Variants in CABLES1 observed in about 807,000 individuals in gnomAD.
The protein encoded by CABLES1 is Cdk5 and Abl enzyme substrate 1.
In CABLES1, 36 loss-of-function variants were observed where a neutral mutation model predicts 57.8. The observed-to-expected ratio is 0.62, with a 90% CI of 0.48 to 0.82. The LOEUF (loss-of-function observed/expected upper bound fraction) is 0.82. Ranked by LOEUF, CABLES1 falls within the 40% of genes least tolerant of loss-of-function variation. CABLES1 has a pLI of 0.00. For missense variants in CABLES1, 767 were observed against 836.6 expected (o/e 0.92, Z 1.03); for synonymous variants, 374 against 363.0 (o/e 1.03, Z -0.35).
At chr18:23,158,028 TC>T (rs1479999654) in intron 1 of CABLES1, among the ~76,000 whole-genome samples, 1 of 150,782 alleles carries the variant, frequency 6.6e-6, no homozygotes, top group Non-Finnish European at 1.5e-5. Context: ...ATGCCTGTAA[TC>T]CCGGCACTTT....
In CABLES1 at chr18:23,214,196, A is replaced by T. The variant is rs943815978; in HGVS notation, c.1088+142A>T. ...TCAGTATTTGTACACTGGAATGATAAAAAGATGTTCCACTTTCTTTTCAGC... is the reference window on the plus strand; with the variant it reads ...TCAGTATTTGTACACTGGAATGATATAAAGATGTTCCACTTTCTTTTCAGC... On this transcript the variant is annotated intron_variant, in intron 4 of 9. Coordinates refer to ENST00000256925, the MANE Select transcript of CABLES1 (RefSeq NM_001100619.3). 5 of 586,876 alleles carry T rather than the reference A, an allele frequency of 8.5e-6. No individual in the cohort carries two copies. The African/African-American group carries it at 9.4e-5, about 11-fold the overall frequency. 36.4% of individuals were successfully genotyped at this position (586,876 alleles called of 1,614,324 possible).
intron 1 of CABLES1, among the ~76,000 whole-genome samples, chr18:23,186,198 G>A (rs568119618): frequency 1.3e-5 from 2 of 152,342 alleles, no homozygotes; most frequent in African/African-American, 4.8e-5. Context: ...CTAGAGTTGG[G>A]ACACTCAGCC....
chr18:23,181,658 G>A (rs2047167986), intron 1 of CABLES1, among the ~76,000 whole-genome samples: 2 of 152,170 alleles, frequency 1.3e-5, no homozygotes, highest in Admixed American at 1.3e-4. Context: ...AGCCAGCCAT[G>A]ATTGAGTACC....
chr18:23,245,856 C>G (rs1475755231), intron 7 of CABLES1, among the ~76,000 whole-genome samples: 2 of 152,274 alleles, frequency 1.3e-5, no homozygotes, highest in African/African-American at 4.8e-5. Flanking sequence ...TTGCAAAAAA[C>G]ACAACTGCCT....
At chr18:23,251,644 G>A (rs2048040512) in intron 7 of CABLES1, among the ~76,000 whole-genome samples, 1 of 152,142 alleles carries the variant, frequency 6.6e-6, no homozygotes, top group Non-Finnish European at 1.5e-5. Context: ...GATCCTTTAA[G>A]GATTTCTCCA....
chr18:23,208,740 C>T (rs750638481), intron 3 of CABLES1, among the ~76,000 whole-genome samples: 96 of 152,188 alleles, frequency 6.3e-4, no homozygotes, highest in Admixed American at 3.3e-3. Context: ...AAGACAACAA[C>T]AAGGAGTTCT....
chr18:23,219,685 G>A (rs997759454), intron 4 of CABLES1, among the ~76,000 whole-genome samples: 4 of 152,198 alleles, frequency 2.6e-5, no homozygotes, highest in African/African-American at 9.7e-5. Context: ...CTGAGTCTCA[G>A]ACCCCTCATC....
intron 3 of CABLES1, among the ~76,000 whole-genome samples, chr18:23,202,300 G>T (rs7241985): frequency 0.15 from 22,682 of 152,194 alleles, 2,505 homozygotes; most frequent in Admixed American, 0.27. Context: ...GAGTTCATTT[G>T]GATATGAAGT....
At chr18:23,174,820 C>CTATATATA (rs2047110391) in intron 1 of CABLES1, among the ~76,000 whole-genome samples, 1 of 42,606 alleles carries the variant, frequency 2.3e-5, no homozygotes, top group Non-Finnish European at 4.3e-5. Flanking sequence ...ACATGTTACA[C>CTATATATA]CATATATATA....
At chr18:23,235,858 G>A in intron 5 of CABLES1, 37 bp from the exon 6 acceptor site, 1 of 1,604,434 alleles carries the variant, frequency 6.2e-7, no homozygotes, top group South Asian at 1.1e-5. Flanking sequence ...CAATGCCTGG[G>A]AATAATCACT....
At position 23,136,258 on chromosome 18, in the gene CABLES1, T is replaced by G; in HGVS notation, c.496T>G (p.Phe166Val). The G allele has an allele frequency of 7.6e-7, 1 of 1,321,872 alleles. No homozygotes were observed. The highest frequency in any genetic ancestry group is 2.2e-5 in the South Asian group (1 of 44,646). The allele number at this position is 1,321,872 out of a possible 1,614,324, so 81.9% of individuals were successfully genotyped here. ...GTCCGGCCCCGGGGTGGCGCGGGGG[T>G]TCGCGAGTCCCCTGGGCGCCGGCCG... The part of the protein sequence containing the change: ...TVSGPGVARG[F>V]ASPLGAGRAS... The change falls in exon 1 of 10, where the codon TTC becomes GTC. Residue 166 changes from phenylalanine (F) to valine (V), a missense_variant. Physicochemically the swap from Phe to Val is conservative, Grantham distance 50. Coordinates refer to ENST00000256925, the MANE Select transcript of CABLES1 (RefSeq NM_001100619.3).
chr18:23,172,780 A>G (rs901496038), intron 1 of CABLES1, among the ~76,000 whole-genome samples: 1 of 152,232 alleles, frequency 6.6e-6, no homozygotes, highest in Non-Finnish European at 1.5e-5. Flanking sequence ...ACAGCCTGGT[A>G]ATTAGAACTG....
chr18:23,239,291 G>C (rs553160168), intron 7 of CABLES1, among the ~76,000 whole-genome samples: 1 of 152,328 alleles, frequency 6.6e-6, no homozygotes, highest in South Asian at 2.1e-4. Flanking sequence ...TGCAGTCAGT[G>C]CTTCTGGGAA....
intron 3 of CABLES1, among the ~76,000 whole-genome samples, chr18:23,208,360 A>G (rs1025336787): frequency 6.6e-6 from 1 of 152,180 alleles, no homozygotes; most frequent in African/African-American, 2.4e-5. Context: ...AGAGTAAACA[A>G]GAACATTTTG....
At chr18:23,150,780 G>A (rs1030555423) in intron 1 of CABLES1, among the ~76,000 whole-genome samples, 1 of 149,496 alleles carries the variant, frequency 6.7e-6, no homozygotes, top group Non-Finnish European at 1.5e-5. Flanking sequence ...AGATGAGAAA[G>A]CAGTTCACCA....
chr18:23,249,648 A>T (rs151061380), intron 7 of CABLES1, among the ~76,000 whole-genome samples: 6 of 152,292 alleles, frequency 3.9e-5, no homozygotes, highest in African/African-American at 1.2e-4. Context: ...AAGCAGCCCC[A>T]TCAGGTTTTC....
chr18:23,221,989 C>T (rs2047490921), intron 4 of CABLES1, among the ~76,000 whole-genome samples: 2 of 152,296 alleles, frequency 1.3e-5, no homozygotes, highest in Middle Eastern at 3.4e-3. Flanking sequence ...TAGGTGTGCT[C>T]CTGTTAAGGA....
At chr18:23,169,510 C>T (rs1210799529) in intron 1 of CABLES1, among the ~76,000 whole-genome samples, 2 of 152,194 alleles carry the variant, frequency 1.3e-5, no homozygotes, top group Non-Finnish European at 2.9e-5. Flanking sequence ...AGACATTTCA[C>T]AGAGAAGTGC....
chr18:23,136,558 C>G lies in CABLES1; in HGVS notation c.796C>G (p.Pro266Ala). ...TSQNYCSLEQ[P>A]GQGGSTSAFE... is the part of the protein sequence containing the mutation. ...GCAGAACTACTGCTCCCTGGAGCAG[C>G]CAGGCCAGGGCGGCAGCACCAGCGC... Residue 266 changes from proline (P) to alanine (A), a missense_variant, in exon 1 of 10, where the codon CCA (proline) becomes GCA (alanine). Physicochemically the swap from Pro to Ala is conservative, Grantham distance 27. Coordinates refer to ENST00000256925, the MANE Select transcript of CABLES1 (RefSeq NM_001100619.3). 1 of 1,544,574 alleles carries G rather than the reference C, an allele frequency of 6.5e-7. No individual in the cohort carries two copies.
Sources: gnomAD v4.1 joint callset for allele counts (sites outside exome capture counted in the v4.1 genomes callset) on GRCh38, gnomAD v4.1.1 for gene constraint, MANE v1.5 for transcripts, NCBI Gene and HGNC (gene_info 2026-07-23, HGNC 2026-07-21) for gene names.